PRG3: variants seen among roughly 807,000 people sequenced by gnomAD.
The protein encoded by PRG3 is proteoglycan 3.
A neutral mutation model predicts 26.1 loss-of-function variants in PRG3; 25 were observed. That is an observed-to-expected ratio of 0.96 (90% CI 0.70 to 1.34). The LOEUF is 1.34. Ranked by LOEUF, PRG3 falls within the 40% of genes most tolerant of loss-of-function variation. The pLI, the probability that PRG3 is intolerant of heterozygous loss-of-function variation, is 0.00. For missense variants in PRG3, 280 were observed against 264.8 expected (o/e 1.06, Z -0.40); for synonymous variants, 111 against 100.4 (o/e 1.11, Z -0.63).
At chr11:57,380,518 A>T (rs1856989574) in intron 2 of PRG3, 130 bp downstream of exon 2, 1 of 697,046 alleles carries the variant, frequency 1.4e-6, no homozygotes, top group African/African-American at 1.9e-5. Flanking sequence ...CTTACCGGAG[A>T]TGAGCTGTAT....
At chr11:57,380,151 C>T (rs1856984499) in intron 2 of PRG3, among the ~76,000 whole-genome samples, 1 of 152,174 alleles carries the variant, frequency 6.6e-6, no homozygotes, top group Admixed American at 6.5e-5. Flanking sequence ...CCTGTAATCC[C>T]AGCACTTTGG....
intron 5 of PRG3, 123 bp from the exon 6 acceptor site, chr11:57,377,031 G>A (rs1182334615): frequency 2.1e-6 from 2 of 958,770 alleles, no homozygotes; most frequent in South Asian, 1.4e-5. Context: ...CCAGCTGTGT[G>A]CTTGCCCCAC....
chr11:57,379,891 T>C (rs1856982217), intron 2 of PRG3, 84 bp from the exon 3 acceptor site: 2 of 1,294,212 alleles, frequency 1.5e-6, no homozygotes, highest in East Asian at 4.7e-5. Flanking sequence ...TCGCTCGAGC[T>C]TTCCTAGGAA....
rs142857964 is a variant in PRG3 at position 57,377,524 on chromosome 11, C to T, written c.619+201G>A. Among the ~76,000 whole-genome samples the T allele has an allele frequency of 1.9e-3, 293 of 152,290 alleles. 2 individuals are homozygous for T. The highest frequency in any genetic ancestry group is 3.7e-3 in the Admixed American group (56 of 15,298). ...CCCACACACACACCATCCAGCCCAC[C>T]CCCCTGTCTCCAGAACTCCTATCAC... On this transcript the variant is annotated intron_variant, in intron 5 of 5. Coordinates refer to ENST00000287143, the MANE Select transcript of PRG3 (RefSeq NM_006093.4).
chr11:57,376,805 T>TG lies in PRG3; in HGVS notation c.*44dup. The TG allele has an allele frequency of 6.3e-7, 1 of 1,592,502 alleles. No individual in the cohort carries two copies. The highest frequency in any genetic ancestry group is 8.6e-7 in the Non-Finnish European group (1 of 1,162,382). ...GTCTGGATTTATGAGCAGGAGAGGT[T>TG]GGGGGACGGGAGGGAGCTGCTGGCA... On this transcript the variant is annotated 3_prime_UTR_variant, in exon 6 of 6. Transcript: ENST00000287143.
chr11:57,380,211 C>A (rs1321231785), intron 2 of PRG3, among the ~76,000 whole-genome samples: 4 of 152,094 alleles, frequency 2.6e-5, no homozygotes, highest in Non-Finnish European at 4.4e-5. Flanking sequence ...ACCAGCCTGG[C>A]AAATATGGTG....
In PRG3 at chr11:57,377,845, G is replaced by T; in HGVS notation, c.508-9C>A. On this transcript the variant is annotated splice_polypyrimidine_tract_variant and intron_variant, in intron 4 of 5. Transcript: ENST00000287143. ...AACCGCTTCCACAGGAACTAGAGAAGTGACAGGCTAGGTCAGAGGGCAGAA... is the reference window on the plus strand; with the variant it reads ...AACCGCTTCCACAGGAACTAGAGAATTGACAGGCTAGGTCAGAGGGCAGAA... The T allele has an allele frequency of 6.2e-7, 1 of 1,608,734 alleles. No homozygotes were observed. The highest frequency in any genetic ancestry group is 8.5e-7 in the Non-Finnish European group (1 of 1,176,334).
Position 57,380,740 on chromosome 11 carries a change from A to G in PRG3, c.-32T>C. ...TGTCTTTTAGCGAGGACACTACTCC[A>G]CCGTCCTTCTTGGGGCTGTCTTTGT... On this transcript the variant is annotated 5_prime_UTR_variant, in exon 2 of 6. Coordinates refer to ENST00000287143, the MANE Select transcript of PRG3 (RefSeq NM_006093.4). 6.8e-7 allele frequency: 1 copy of G among 1,464,748 alleles called. No homozygotes were observed. The highest frequency in any genetic ancestry group is 2.6e-5 in the East Asian group (1 of 38,682). The allele number at this position is 1,464,748 out of a possible 1,614,324, so 90.7% of individuals were successfully genotyped here.
chr11:57,379,163 G>C (rs1856973377), intron 3 of PRG3, among the ~76,000 whole-genome samples: 1 of 152,182 alleles, frequency 6.6e-6, no homozygotes, highest in African/African-American at 2.4e-5. Flanking sequence ...ACTTGCCCAG[G>C]TAACACAGCT....
intron 1 of PRG3, 47 bp from the exon 2 acceptor site, chr11:57,380,828 G>A: frequency 1.5e-6 from 1 of 688,740 alleles, no homozygotes; most frequent in African/African-American, 1.9e-5. Flanking sequence ...TTTGATTAAA[G>A]AGCAAACAAG....
At chr11:57,378,555 C>G in intron 4 of PRG3, 126 bp downstream of exon 4, 1 of 1,297,460 alleles carries the variant, frequency 7.7e-7, no homozygotes, top group South Asian at 1.4e-5. Flanking sequence ...CAAGCCATCT[C>G]CAGCACATCA....
intron 5 of PRG3, 128 bp downstream of exon 5, chr11:57,377,597 A>G (rs757924897): frequency 4.0e-5 from 30 of 746,174 alleles, no homozygotes; most frequent in Non-Finnish European, 5.8e-5. Flanking sequence ...CCTTACACAC[A>G]GGACTTTTGT....
intron 2 of PRG3, among the ~76,000 whole-genome samples, 195 bp downstream of exon 2, chr11:57,380,447 CAAAAAA>C (rs998087949): frequency 6.6e-5 from 10 of 150,578 alleles, no homozygotes; most frequent in African/African-American, 2.2e-4. Flanking sequence ...ACAACAACAA[CAAAAAA>C]AAATCAAACA....
chr11:57,379,713 C>G lies in PRG3; in HGVS notation c.156G>C (p.Leu52=). 1 of 1,614,014 alleles carries G rather than the reference C, an allele frequency of 6.2e-7. No homozygotes were observed. The highest frequency in any genetic ancestry group is 8.5e-7 in the Non-Finnish European group (1 of 1,180,040). ...SSKEQERDLA[L]TEEVIQAEGE... is the part of the protein sequence containing the mutation. The stretch of plus-strand genomic sequence containing the variant: ...CCTCTGCCTGAATCACCTCCTCCGT[C>G]AGAGCCAAGTCTCTCTCCTGCTCCT... The change falls in exon 3 of 6, where the codon CTG becomes CTC. Residue 52 remains leucine, a synonymous_variant. Coordinates refer to ENST00000287143, the MANE Select transcript of PRG3 (RefSeq NM_006093.4).
At chr11:57,377,553 G>GT (rs148016647) in intron 5 of PRG3, among the ~76,000 whole-genome samples, 172 bp downstream of exon 5, 2,492 of 152,226 alleles carry the variant, frequency 0.016, 26 homozygotes, top group Non-Finnish European at 0.026. Context: ...CTATCACCTG[G>GT]TTTTGCTTTG....
chr11:57,379,983 G>A (rs1410114532), intron 2 of PRG3, among the ~76,000 whole-genome samples, 176 bp from the exon 3 acceptor site: 1 of 152,242 alleles, frequency 6.6e-6, no homozygotes, highest in Non-Finnish European at 1.5e-5. Context: ...AAATGGACAA[G>A]AACCTGACTT....
Position 57,380,654 on chromosome 11 carries a change from G to A in PRG3, c.55C>T (p.His19Tyr). The A allele has an allele frequency of 6.3e-7, 1 of 1,579,694 alleles. No homozygotes were observed. The highest frequency in any genetic ancestry group is 8.6e-7 in the Non-Finnish European group (1 of 1,166,936). Residue 19 changes from histidine to tyrosine, a missense_variant, in exon 2 of 6, where the codon CAT (histidine) becomes TAT (tyrosine). His to Tyr is a moderately conservative substitution (Grantham distance 83). Transcript: ENST00000287143. ...AGGGAAGGGAGAGACTTACCCAGATGAAGAGCAGAAACTGTTCCCAGCAGG... is the reference window on the plus strand; with the variant it reads ...AGGGAAGGGAGAGACTTACCCAGATAAAGAGCAGAAACTGTTCCCAGCAGG... ...FLLLGTVSALHLENDAPHLES... is the reference protein window; with the variant it reads ...FLLLGTVSALYLENDAPHLES...
In PRG3 at chr11:57,380,797, G is replaced by A; in HGVS notation, c.-73-16C>T. The A allele has an allele frequency of 1.1e-6, 1 of 902,400 alleles. No homozygotes were observed. Among genetic ancestry groups the A allele is most frequent in the Non-Finnish European group, 1.6e-6 (1 of 623,516 alleles). The allele number at this position is 902,400 out of a possible 1,614,324, so 55.9% of individuals were successfully genotyped here. On this transcript the variant is annotated splice_polypyrimidine_tract_variant and intron_variant, in intron 1 of 5. Coordinates refer to ENST00000287143, the MANE Select transcript of PRG3 (RefSeq NM_006093.4). ...AGTATAGCCCCTGGCACATAGTATA[G>A]AGGGAATATTTGTTTAATTGTTTGA...
At chr11:57,377,039 C>T in intron 5 of PRG3, 131 bp from the exon 6 acceptor site, 1 of 867,604 alleles carries the variant, frequency 1.2e-6, no homozygotes, top group South Asian at 1.5e-5. Context: ...GTGCTTGCCC[C>T]ACATCCCTAC....
Sources: allele counts gnomAD v4.1 joint callset (sites outside exome capture counted in the v4.1 genomes callset), GRCh38; gene constraint gnomAD v4.1.1; transcripts MANE v1.5; gene names NCBI Gene and HGNC (gene_info 2026-07-23, HGNC 2026-07-21).